The following CPNE4 variants were observed in gnomAD, a reference collection of about 807,000 sequenced individuals.
CPNE4 encodes the protein copine-4.
In CPNE4, 25 loss-of-function variants were observed where a neutral mutation model predicts 67.9. That is an observed-to-expected ratio of 0.37 (90% CI 0.27 to 0.51). The LOEUF (loss-of-function observed/expected upper bound fraction) is 0.51, where lower values mean the gene tolerates loss of function less well. Ranked by LOEUF, CPNE4 falls within the 20% of genes least tolerant of loss-of-function variation. CPNE4 has a pLI of 0.93. For missense variants in CPNE4, 464 were observed against 690.8 expected (o/e 0.67, Z 3.68); for synonymous variants, 242 against 244.9 (o/e 0.99, Z 0.11).
intron 7 of CPNE4, among the ~76,000 whole-genome samples, chr3:131,628,049 C>T (rs1457520049): frequency 6.6e-6 from 1 of 152,172 alleles, no homozygotes; most frequent in Non-Finnish European, 1.5e-5. Context: ...AAAATGCTGT[C>T]AAACAGCATC....
At chr3:131,856,769 C>A (rs761488580) in intron 2 of CPNE4, among the ~76,000 whole-genome samples, 2 of 151,978 alleles carry the variant, frequency 1.3e-5, no homozygotes, top group Admixed American at 1.3e-4. Flanking sequence ...TATTCTAAAG[C>A]TTTATGCCTT....
chr3:131,986,945 G>C (rs1378657828), intron 1 of CPNE4, among the ~76,000 whole-genome samples: 1 of 149,686 alleles, frequency 6.7e-6, no homozygotes, highest in Non-Finnish European at 1.5e-5. Flanking sequence ...AATCCCCTAA[G>C]AATTTTCAAA....
chr3:131,551,348 T>C (rs2630530), intron 13 of CPNE4, among the ~76,000 whole-genome samples: 3 of 152,102 alleles, frequency 2.0e-5, no homozygotes, highest in Non-Finnish European at 2.9e-5. Flanking sequence ...CTCCTTATGT[T>C]TTTTTGGTTC....
chr3:131,924,672 T>G lies in CPNE4; in HGVS notation c.-1-19228A>C, dbSNP rs552808233. Among the ~76,000 whole-genome samples, 12 of 152,288 alleles carry G rather than the reference T, an allele frequency of 7.9e-5. No individual in the cohort carries two copies. In the South Asian group the frequency reaches 2.5e-3, roughly 32 times the overall value. The stretch of plus-strand genomic sequence containing the variant: ...AATTTGAAAACCACTAGTATAGAGG[T>G]GTGTCTAGACCAGTAATAGTATTTT... On this transcript the variant is annotated intron_variant, in intron 1 of 15. Coordinates refer to ENST00000429747, the MANE Select transcript of CPNE4 (RefSeq NM_130808.3).
chr3:131,589,368 T>C (rs2107704487), intron 7 of CPNE4, among the ~76,000 whole-genome samples: 1 of 152,266 alleles, frequency 6.6e-6, no homozygotes, highest in African/African-American at 2.4e-5. Context: ...GAAGGAAGCA[T>C]CTGGCTTAGG....
intron 2 of CPNE4, among the ~76,000 whole-genome samples, chr3:131,761,115 A>C (rs2082877282): frequency 1.3e-5 from 2 of 149,134 alleles, no homozygotes; most frequent in African/African-American, 4.9e-5. Flanking sequence ...TTTTCCCCTC[A>C]AGAGGGAGGA....
intron 1 of CPNE4, among the ~76,000 whole-genome samples, chr3:131,946,424 C>T (rs934646851): frequency 1.3e-5 from 2 of 152,032 alleles, no homozygotes; most frequent in Non-Finnish European, 2.9e-5. Context: ...ATTCATTCAC[C>T]TGTTGATGGA....
rs571718505 is a variant in CPNE4 at position 131,539,902 on chromosome 3, G to A, written c.1539+2655C>T. ...CTTTCCTCCATCTTAGACACCTAGG[G>A]AGAAACTAGCTTCATTAATGAACAT... On this transcript the variant is annotated intron_variant, in intron 15 of 15. Coordinates refer to ENST00000429747, the MANE Select transcript of CPNE4 (RefSeq NM_130808.3). 6.6e-5 allele frequency among the ~76,000 whole-genome samples: 10 copies of A among 152,274 alleles called. 1 individual carries two copies. The South Asian group carries it at 2.1e-3, about 32-fold the overall frequency.
intron 2 of CPNE4, among the ~76,000 whole-genome samples, chr3:131,848,712 G>T (rs2086102275): frequency 6.6e-6 from 1 of 150,578 alleles, no homozygotes; most frequent in African/African-American, 2.4e-5. Flanking sequence ...CCCCAATTTG[G>T]TTCATCTGAA....
chr3:131,954,501 T>A (rs2071877715), intron 1 of CPNE4, among the ~76,000 whole-genome samples: 2 of 152,168 alleles, frequency 1.3e-5, no homozygotes, highest in Admixed American at 6.5e-5. Flanking sequence ...GAACTCTTTT[T>A]TTATTATTAT....
chr3:131,783,631 C>T (rs2083480607), intron 2 of CPNE4, among the ~76,000 whole-genome samples: 1 of 152,030 alleles, frequency 6.6e-6, no homozygotes, highest in Non-Finnish European at 1.5e-5. Flanking sequence ...AAGCCTGATT[C>T]TCCAGTTCTC....
chr3:131,636,010 G>A (rs1234911648), intron 7 of CPNE4, among the ~76,000 whole-genome samples: 1 of 92,700 alleles, frequency 1.1e-5, no homozygotes, highest in Non-Finnish European at 1.9e-5. Context: ...GAACCCGGGA[G>A]GCGGAGCTTG....
At chr3:131,839,884 C>A (rs1282572413) in intron 2 of CPNE4, among the ~76,000 whole-genome samples, 1 of 152,116 alleles carries the variant, frequency 6.6e-6, no homozygotes, top group African/African-American at 2.4e-5. Context: ...TTACGTTATG[C>A]CATTGCAAAG....
At chr3:131,963,032 G>A (rs906777298) in intron 1 of CPNE4, among the ~76,000 whole-genome samples, 2 of 152,084 alleles carry the variant, frequency 1.3e-5, no homozygotes, top group African/African-American at 4.8e-5. Context: ...GGTGATATCC[G>A]CATTTCCAAC....
At chr3:131,950,627 T>G (rs903029328) in intron 1 of CPNE4, among the ~76,000 whole-genome samples, 2 of 152,188 alleles carry the variant, frequency 1.3e-5, no homozygotes, top group African/African-American at 4.8e-5. Flanking sequence ...CAGATAAGTT[T>G]TCGAAAGCAG....
chr3:131,888,633 G>A (rs960766836), intron 2 of CPNE4, among the ~76,000 whole-genome samples: 2 of 152,126 alleles, frequency 1.3e-5, no homozygotes, highest in Non-Finnish European at 2.9e-5. Flanking sequence ...GGACAACGTT[G>A]GCACAGAAGC....
At chr3:131,696,741 T>C in intron 4 of CPNE4, 125 bp from the exon 5 acceptor site, 1 of 801,838 alleles carries the variant, frequency 1.2e-6, no homozygotes, top group South Asian at 1.6e-5. Context: ...AAAGAGTTTT[T>C]CCACAACCCT....
chr3:131,998,379 G>T (rs1434391517), intron 1 of CPNE4, among the ~76,000 whole-genome samples: 3 of 152,018 alleles, frequency 2.0e-5, no homozygotes, highest in Non-Finnish European at 2.9e-5. Context: ...CTAATCTACA[G>T]GAACACATTT....
At chr3:131,602,942 C>G (rs1323690397) in intron 7 of CPNE4, among the ~76,000 whole-genome samples, 1 of 152,106 alleles carries the variant, frequency 6.6e-6, no homozygotes, top group Non-Finnish European at 1.5e-5. Context: ...GCAGAATAGA[C>G]CAGTTGGCTG....
Sources: gnomAD v4.1 joint callset for allele counts (sites outside exome capture counted in the v4.1 genomes callset) on GRCh38, gnomAD v4.1.1 for gene constraint, MANE v1.5 for transcripts, NCBI Gene and HGNC (gene_info 2026-07-23, HGNC 2026-07-21) for gene names.